Variants in EDIL3 observed in about 807,000 individuals in gnomAD.
EDIL3 encodes EGF like and discoidin domains 3.
In EDIL3, 37 loss-of-function variants were observed where a neutral mutation model predicts 67.4. The ratio of observed to expected loss-of-function variants is 0.55; its 90% CI spans 0.42 to 0.72. The LOEUF (loss-of-function observed/expected upper bound fraction) is 0.72. Ranked by LOEUF, EDIL3 falls within the 30% of genes least tolerant of loss-of-function variation. The pLI is 0.00. For missense variants in EDIL3, 527 were observed against 586.3 expected (o/e 0.90, Z 1.04); for synonymous variants, 195 against 196.3 (o/e 0.99, Z 0.05).
intron 5 of EDIL3, among the ~76,000 whole-genome samples, chr5:84,127,517 A>C (rs1249364644): frequency 1.3e-5 from 2 of 151,956 alleles, no homozygotes; most frequent in African/African-American, 4.8e-5. Context: ...ATTATTTTCT[A>C]CTCAGCATCT....
intron 1 of EDIL3, among the ~76,000 whole-genome samples, chr5:84,365,821 A>C (rs1299129182): frequency 1.3e-5 from 2 of 152,068 alleles, no homozygotes; most frequent in African/African-American, 2.4e-5. Context: ...ATAATACCAG[A>C]TGTTTATTGA....
intron 6 of EDIL3, among the ~76,000 whole-genome samples, chr5:84,073,884 T>G (rs554950898): frequency 1.2e-4 from 18 of 152,034 alleles, no homozygotes; most frequent in African/African-American, 4.1e-4. Flanking sequence ...GAGCCTGCAT[T>G]GCCAAGTCAA....
At chr5:84,310,712 A>G (rs1746369132) in intron 1 of EDIL3, among the ~76,000 whole-genome samples, 1 of 152,188 alleles carries the variant, frequency 6.6e-6, no homozygotes, top group Non-Finnish European at 1.5e-5. Context: ...TAAAATAGAT[A>G]TACACACCCA....
intron 9 of EDIL3, among the ~76,000 whole-genome samples, chr5:83,980,855 G>A (rs1744958476): frequency 2.0e-5 from 3 of 151,254 alleles, no homozygotes; most frequent in Non-Finnish European, 4.4e-5. Context: ...AGTGATGAAC[G>A]ATCTAAAAAT....
intron 10 of EDIL3, among the ~76,000 whole-genome samples, chr5:83,961,697 C>T (rs1399371365): frequency 6.6e-6 from 1 of 151,154 alleles, no homozygotes; most frequent in Non-Finnish European, 1.5e-5. Flanking sequence ...ATGAAACATA[C>T]ACTGAATCAG....
At chr5:84,141,161 T>C (rs1472216550) in intron 4 of EDIL3, among the ~76,000 whole-genome samples, 11 of 151,976 alleles carry the variant, frequency 7.2e-5, no homozygotes, top group Non-Finnish European at 1.5e-4. Flanking sequence ...ACCATTTAAT[T>C]AATGAAGAAA....
At chr5:84,344,207 G>A (rs1309514965) in intron 1 of EDIL3, among the ~76,000 whole-genome samples, 3 of 151,976 alleles carry the variant, frequency 2.0e-5, no homozygotes, top group African/African-American at 7.3e-5. Context: ...TTTTAGTTGT[G>A]AAGAATTATG....
At chr5:84,303,048 C>T (rs753584337) in intron 1 of EDIL3, among the ~76,000 whole-genome samples, 15 of 152,140 alleles carry the variant, frequency 9.9e-5, no homozygotes, top group Non-Finnish European at 1.6e-4. Context: ...GTATCTAGAA[C>T]ATATCTTTGA....
In EDIL3 at chr5:84,384,716, G is replaced by GCAGGCAGACCCA; in HGVS notation, c.-354_-343dup. 1 of 160,842 alleles carries GCAGGCAGACCCA rather than the reference G, an allele frequency of 6.2e-6. No homozygotes were observed. The highest frequency in any genetic ancestry group is 1.4e-5 in the Non-Finnish European group (1 of 73,936). 10.0% of individuals were successfully genotyped at this position (160,842 alleles called of 1,614,324 possible). A position where few individuals can be genotyped will look rare whatever the true frequency, so the allele number is the denominator to read the frequency against. On this transcript the variant is annotated 5_prime_UTR_variant, in exon 1 of 11. Transcript: ENST00000296591. ...CGGCCGCCCCGGGTCTGCTGCGCGG[G>GCAGGCAGACCCA]CAGGCAGACCCACCGGCAGACAGGC...
At chr5:84,216,982 C>T (rs559883870) in intron 3 of EDIL3, among the ~76,000 whole-genome samples, 2 of 152,090 alleles carry the variant, frequency 1.3e-5, no homozygotes. Flanking sequence ...AAGACAAAAG[C>T]CCCTGAAGTT....
At chr5:84,017,114 A>T (rs1326405847) in intron 9 of EDIL3, among the ~76,000 whole-genome samples, 3 of 152,218 alleles carry the variant, frequency 2.0e-5, no homozygotes, top group African/African-American at 4.8e-5. Context: ...ATCAATGCAG[A>T]AAGTGCTTAA....
chr5:84,323,121 T>G (rs532730474), intron 1 of EDIL3, among the ~76,000 whole-genome samples: 1 of 152,100 alleles, frequency 6.6e-6, no homozygotes, highest in Non-Finnish European at 1.5e-5. Context: ...ATACACTTTT[T>G]TAAATTATTA....
intron 1 of EDIL3, among the ~76,000 whole-genome samples, chr5:84,330,280 G>A (rs1236473067): frequency 6.6e-6 from 1 of 152,010 alleles, no homozygotes; most frequent in Non-Finnish European, 1.5e-5. Context: ...GTAATGCTTG[G>A]GATTCAGAAA....
At chr5:84,342,185 A>G (rs1053179675) in intron 1 of EDIL3, among the ~76,000 whole-genome samples, 4 of 152,140 alleles carry the variant, frequency 2.6e-5, no homozygotes, top group Non-Finnish European at 5.9e-5. Context: ...ATGGAAAAGA[A>G]TAAAATCTTG....
At chr5:84,104,853 C>T (rs767713198) in intron 6 of EDIL3, among the ~76,000 whole-genome samples, 2 of 151,944 alleles carry the variant, frequency 1.3e-5, no homozygotes, top group African/African-American at 2.4e-5. Context: ...AGTGAACAAT[C>T]GGATATGAAA....
intron 1 of EDIL3, among the ~76,000 whole-genome samples, chr5:84,266,851 A>T (rs1162421385): frequency 6.6e-5 from 10 of 152,114 alleles, no homozygotes; most frequent in Admixed American, 6.5e-4. Flanking sequence ...TTAGTAGCCT[A>T]TTTGTTAGTA....
At chr5:84,208,281 A>G (rs1744029377) in intron 3 of EDIL3, among the ~76,000 whole-genome samples, 1 of 152,202 alleles carries the variant, frequency 6.6e-6, no homozygotes. Context: ...TATGCAGCCA[A>G]AAGACACATG....
At chr5:83,960,825 A>G (rs1744594328) in intron 10 of EDIL3, among the ~76,000 whole-genome samples, 1 of 151,022 alleles carries the variant, frequency 6.6e-6, no homozygotes. Context: ...GATGTGACAA[A>G]TAGGCACTAA....
At chr5:84,356,613 T>A (rs1165995570) in intron 1 of EDIL3, among the ~76,000 whole-genome samples, 3 of 152,174 alleles carry the variant, frequency 2.0e-5, no homozygotes, top group Non-Finnish European at 2.9e-5. Flanking sequence ...TCCAGGATAA[T>A]CTCCCCATTT....
Sources: gnomAD v4.1 joint callset for allele counts (sites outside exome capture counted in the v4.1 genomes callset) on GRCh38, gnomAD v4.1.1 for gene constraint, MANE v1.5 for transcripts, NCBI Gene and HGNC (gene_info 2026-07-23, HGNC 2026-07-21) for gene names.